Variants in TTBK2 observed in about 807,000 individuals in gnomAD.
TTBK2 encodes tau-tubulin kinase 2.
TTBK2 carries 28 observed loss-of-function variants against 110.8 expected under a neutral mutation model. The ratio of observed to expected loss-of-function variants is 0.25; its 90% CI spans 0.19 to 0.35. The LOEUF is 0.35. TTBK2 is among the 10% of genes least tolerant of loss of function. The pLI is 1.00. For missense variants in TTBK2, 1,369 were observed against 1,500.3 expected, an observed-to-expected ratio of 0.91 and a Z score of 1.45; for synonymous variants, 532 against 527.3, an observed-to-expected ratio of 1.01 and a Z score of -0.12.
chr15:42,750,601 A>G (rs929842570), intron 14 of TTBK2, among the ~76,000 whole-genome samples: 1 of 152,098 alleles, frequency 6.6e-6, no homozygotes, highest in Non-Finnish European at 1.5e-5. Context: ...AAGTAAACAG[A>G]CAATAAAGGG....
chr15:42,811,916 A>T, intron 7 of TTBK2, 136 bp from the exon 8 acceptor site: 5 of 560,604 alleles, frequency 8.9e-6, no homozygotes, highest in Non-Finnish European at 1.2e-5. Context: ...TATATGATAA[A>T]CATATATATA....
chr15:42,841,597 G>C (rs1309223355), intron 3 of TTBK2, among the ~76,000 whole-genome samples: 1 of 152,148 alleles, frequency 6.6e-6, no homozygotes, highest in Non-Finnish European at 1.5e-5. Flanking sequence ...GTATCGAAAA[G>C]ATTTTAAGAT....
chr15:42,767,725 C>A (rs1889451368), intron 13 of TTBK2, among the ~76,000 whole-genome samples: 1 of 152,268 alleles, frequency 6.6e-6, no homozygotes, highest in South Asian at 2.1e-4. Flanking sequence ...CTATTCCAAT[C>A]AATAGAAAAA....
intron 4 of TTBK2, 95 bp from the exon 5 acceptor site, chr15:42,830,173 T>G: frequency 6.7e-7 from 1 of 1,498,072 alleles, no homozygotes; most frequent in South Asian, 1.2e-5. Flanking sequence ...AAAGATGTTT[T>G]CAGCAAAATA....
chr15:42,784,928 G>A (rs1788715774), intron 10 of TTBK2, among the ~76,000 whole-genome samples: 2 of 152,050 alleles, frequency 1.3e-5, no homozygotes, highest in African/African-American at 2.4e-5. Context: ...TTAAATTCTT[G>A]GAGCAGGTGC....
chr15:42,810,486 G>A (rs1891661879), intron 9 of TTBK2, 128 bp downstream of exon 9: 2 of 1,137,394 alleles, frequency 1.8e-6, no homozygotes, highest in Non-Finnish European at 2.6e-6. Flanking sequence ...TGTTTCTCAG[G>A]ATGTATTAAA....
At chr15:42,798,073 G>A (rs1260473918) in intron 9 of TTBK2, among the ~76,000 whole-genome samples, 1 of 151,868 alleles carries the variant, frequency 6.6e-6, no homozygotes, top group Admixed American at 6.6e-5. Flanking sequence ...TAGTAGAGAC[G>A]GGGTTTCACC....
intron 1 of TTBK2, among the ~76,000 whole-genome samples, chr15:42,906,103 A>T (rs995236461): frequency 6.6e-6 from 1 of 152,020 alleles, no homozygotes; most frequent in Non-Finnish European, 1.5e-5. Context: ...CAGGAGAATC[A>T]CTTGAACCTG....
chr15:42,801,098 C>T (rs1175995340), intron 9 of TTBK2: 2 of 824,186 alleles, frequency 2.4e-6, no homozygotes, highest in African/African-American at 1.7e-5. Context: ...AGCTGGAGCC[C>T]AGGCCGTAGC....
At chr15:42,792,561 C>T (rs1265509885) in intron 10 of TTBK2, among the ~76,000 whole-genome samples, 3 of 152,140 alleles carry the variant, frequency 2.0e-5, no homozygotes, top group Admixed American at 6.5e-5. Flanking sequence ...GTCTTTCTAG[C>T]ACTGGTTTTA....
chr15:42,779,573 A>C (rs1398743726), intron 11 of TTBK2, among the ~76,000 whole-genome samples: 3 of 152,264 alleles, frequency 2.0e-5, no homozygotes, highest in Non-Finnish European at 4.4e-5. Context: ...GGAACTTCTG[A>C]AGGAAATATT....
intron 3 of TTBK2, among the ~76,000 whole-genome samples, chr15:42,847,035 T>C (rs994129395): frequency 1.3e-5 from 2 of 152,142 alleles, no homozygotes; most frequent in African/African-American, 4.8e-5. Context: ...CTGGTAAACA[T>C]GTTTCCCTGA....
chr15:42,817,297 T>G (rs923132330), intron 6 of TTBK2, among the ~76,000 whole-genome samples, 200 bp from the exon 7 acceptor site: 1 of 152,074 alleles, frequency 6.6e-6, no homozygotes, highest in African/African-American at 2.4e-5. Context: ...AAAAAACTGA[T>G]AAAATTTTAA....
intron 2 of TTBK2, among the ~76,000 whole-genome samples, chr15:42,874,754 G>A (rs1228763168): frequency 6.6e-6 from 1 of 151,396 alleles, no homozygotes; most frequent in Non-Finnish European, 1.5e-5. Context: ...TTGGGAGGCC[G>A]AGGCGGGCGG....
intron 10 of TTBK2, among the ~76,000 whole-genome samples, chr15:42,789,854 T>TACACACACACACACACACACACACAC (rs58536399): frequency 1.5e-4 from 22 of 147,916 alleles, no homozygotes; most frequent in South Asian, 4.4e-4. Flanking sequence ...ATACATACAA[T>TACACACACACACACACACACACACAC]ACACACACAC....
chr15:42,895,623 C>T (rs1216125971), intron 1 of TTBK2, among the ~76,000 whole-genome samples: 4 of 151,798 alleles, frequency 2.6e-5, no homozygotes, highest in East Asian at 1.9e-4. Flanking sequence ...CTGCAAGTTC[C>T]GCCTCCCGGG....
chr15:42,783,622 T>C lies in TTBK2; in HGVS notation c.994A>G (p.Thr332Ala). Residue 332 changes from threonine to alanine, a missense_variant, in exon 11 of 15, where the codon ACT becomes GCT. Transcript: ENST00000267890. ...CGAAGCAAGTCTCCAGGGATGGGAG[T>C]AGCATTGGCAATTCTACATATGAAG... ...TPAAIGIANA[T>A]PIPGDLLREN... 1 of 1,613,110 alleles carries C rather than the reference T, an allele frequency of 6.2e-7. No homozygotes were observed. The highest frequency in any genetic ancestry group is 1.7e-5 in the Admixed American group (1 of 59,878).
Position 42,744,916 on chromosome 15 carries a change from A to G in TTBK2, c.*879T>C, listed in dbSNP as rs1362359595. 2 of 154,208 alleles carry G rather than the reference A, an allele frequency of 1.3e-5. No homozygotes were observed. Among genetic ancestry groups the G allele is most frequent in the African/African-American group, 4.8e-5 (2 of 41,486 alleles). 9.6% of individuals were successfully genotyped at this position (154,208 alleles called of 1,614,324 possible). ...ACTCTGGTCAGTTTTCCTTCTACTC[A>G]AGTTTCTAAAGGAGGACACTTAACA... On this transcript the variant is annotated 3_prime_UTR_variant, in exon 15 of 15. Transcript: ENST00000267890.
Position 42,777,123 on chromosome 15 carries a change from C to T in TTBK2, c.1317G>A (p.Leu439=), listed in dbSNP as rs1346073936. Residue 439 remains leucine, a synonymous_variant, in exon 12 of 15, where the codon CTG becomes CTA. Coordinates refer to ENST00000267890, the MANE Select transcript of TTBK2 (RefSeq NM_173500.4). ...TGTGAATGGAACGTAACTTTCGCAC[C>T]AGTGGAATATCTCTGTCTGGCTGAG... The part of the protein sequence containing the change: ...EITQPDRDIP[L]VRKLRSIHSF... 1 of 1,614,164 alleles carries T rather than the reference C, an allele frequency of 6.2e-7. No homozygotes were observed. The highest frequency in any genetic ancestry group is 8.5e-7 in the Non-Finnish European group (1 of 1,180,044).
Sources: gnomAD v4.1 joint callset for allele counts (sites outside exome capture counted in the v4.1 genomes callset) on GRCh38, gnomAD v4.1.1 for gene constraint, MANE v1.5 for transcripts, NCBI Gene and HGNC (gene_info 2026-07-23, HGNC 2026-07-21) for gene names.